PTMA: variants seen among roughly 807,000 people sequenced by gnomAD.
PTMA encodes gene sequence 28.
In PTMA, 4 loss-of-function variants were observed where a neutral mutation model predicts 16.9. That is an observed-to-expected ratio of 0.24 (90% confidence interval 0.12 to 0.54). The LOEUF (loss-of-function observed/expected upper bound fraction) is 0.54, where lower values mean the gene tolerates loss of function less well. PTMA is among the 20% of genes least tolerant of loss of function. The pLI, the probability that PTMA is intolerant of heterozygous loss-of-function variation, is 0.95. For missense variants in PTMA, 120 were observed against 137.7 expected (o/e 0.87, Z 0.64); for synonymous variants, 58 against 47.9 (o/e 1.21, Z -0.87).
rs576560842 is a variant in PTMA, at chr2:231,712,674, C to T, written c.286-130C>T. 64 of 1,348,928 alleles carry T rather than the reference C, an allele frequency of 4.7e-5. No homozygotes were observed. In the African/African-American group the frequency reaches 8.4e-4, roughly 18 times the overall value. The allele number at this position is 1,348,928 out of a possible 1,614,324, so 83.6% of individuals were successfully genotyped here. On this transcript the variant is annotated intron_variant, in intron 4 of 4. Transcript: ENST00000409115. ...AACAGGAAGGAAACAGGGCTGGGCT[C>T]AACTTCCCAGAGGCCTTGGGCTGTG...
chr2:231,711,754 G>A, intron 2 of PTMA, 136 bp from the exon 3 acceptor site: 1 of 1,472,568 alleles, frequency 6.8e-7, no homozygotes, highest in Non-Finnish European at 9.1e-7. Context: ...CTGGAGAAGG[G>A]TCTCTGGGGT....
chr2:231,709,206 G>A (rs1232702037), intron 1 of PTMA, among the ~76,000 whole-genome samples: 2 of 152,208 alleles, frequency 1.3e-5, no homozygotes, highest in Non-Finnish European at 2.9e-5. Context: ...CCCGCCGGCC[G>A]CGCTGCTCTT....
At chr2:231,712,708 G>A (rs2106246347) in intron 4 of PTMA, 96 bp from the exon 5 acceptor site, 2 of 1,453,250 alleles carry the variant, frequency 1.4e-6, no homozygotes, top group Non-Finnish European at 1.9e-6. Flanking sequence ...TGGAGCTGGG[G>A]GTCCCTGGTT....
intron 1 of PTMA, chr2:231,710,096 C>T (rs1192432844): frequency 1.3e-5 from 16 of 1,239,370 alleles, no homozygotes; most frequent in South Asian, 4.0e-5. Flanking sequence ...GAGTAGTAGC[C>T]CGAGAGGCGC....
At position 231,708,761 on chromosome 2, in the gene PTMA, G is replaced by C. The variant is rs1376787996; in HGVS notation, c.45+10G>C. On this transcript the variant is annotated intron_variant, in intron 1 of 4. Coordinates refer to ENST00000409115, the MANE Select transcript of PTMA (RefSeq NM_002823.5). Reference sequence around the variant, plus strand: ...CGAAATCACCACCAAGGTGAGGCTGGACGCCGCCCGCCCCCTCGGGGTCCG... The same window carrying C: ...CGAAATCACCACCAAGGTGAGGCTGCACGCCGCCCGCCCCCTCGGGGTCCG... The C allele has an allele frequency of 1.2e-6, 2 of 1,601,400 alleles. No individual in the cohort carries two copies. The highest frequency in any genetic ancestry group is 1.7e-6 in the Non-Finnish European group (2 of 1,179,158).
chr2:231,710,012 C>T, intron 1 of PTMA: 2 of 1,154,794 alleles, frequency 1.7e-6, no homozygotes, highest in Non-Finnish European at 2.2e-6. Flanking sequence ...GGGGTGAGAA[C>T]ACCGTCCCCA....
chr2:231,709,724 G>A (rs1475424320), intron 1 of PTMA: 1 of 153,314 alleles, frequency 6.5e-6, no homozygotes, highest in Non-Finnish European at 1.5e-5. Flanking sequence ...GCGCCGCCTC[G>A]GTCCCACTGC....
intron 3 of PTMA, 88 bp from the exon 4 acceptor site, chr2:231,712,355 C>CT: frequency 7.3e-7 from 1 of 1,365,612 alleles, no homozygotes; most frequent in East Asian, 2.3e-5. Flanking sequence ...GGGCAGGGAC[C>CT]TTGCAGTCCA....
intron 1 of PTMA, among the ~76,000 whole-genome samples, chr2:231,709,286 G>T (rs930351968): frequency 7.2e-5 from 11 of 152,222 alleles, no homozygotes; most frequent in African/African-American, 2.6e-4. Flanking sequence ...ACTAAGTCCC[G>T]ATAAGGCGGA....
At chr2:231,712,054 A>C (rs2106245540) in intron 3 of PTMA, 71 bp downstream of exon 3, 1 of 1,546,376 alleles carries the variant, frequency 6.5e-7, no homozygotes, top group Non-Finnish European at 8.7e-7. Flanking sequence ...AGGGGAAGGA[A>C]GGAATTGGGG....
intron 1 of PTMA, 105 bp downstream of exon 1, chr2:231,708,856 C>T: frequency 7.5e-7 from 1 of 1,338,492 alleles, no homozygotes; most frequent in Non-Finnish European, 1.0e-6. Flanking sequence ...TGCTCCCTCT[C>T]GCGGGGAAAC....
chr2:231,710,348 G>A (rs571598819), intron 1 of PTMA: 6 of 1,213,888 alleles, frequency 4.9e-6, no homozygotes, highest in African/African-American at 1.6e-5. Flanking sequence ...CCCTGCGCGC[G>A]GTGCGTGCCG....
At position 231,713,317 on chromosome 2, in the gene PTMA, T is replaced by C. The variant is rs776394835; in HGVS notation, c.*466T>C. 3.9e-6 allele frequency: 2 copies of C among 508,766 alleles called. No individual in the cohort carries two copies. Among genetic ancestry groups the C allele is most frequent in the South Asian group, 3.0e-5 (2 of 66,416 alleles). The allele number at this position is 508,766 out of a possible 1,614,324, so 31.5% of individuals were successfully genotyped here. Reference sequence around the variant, plus strand: ...CAAAAATGACAACAGAAAAACAATCTTATTCCGAGCATTCCAGTAACTTTT... The same window carrying C: ...CAAAAATGACAACAGAAAAACAATCCTATTCCGAGCATTCCAGTAACTTTT... On this transcript the variant is annotated 3_prime_UTR_variant, in exon 5 of 5. Coordinates refer to ENST00000409115, the MANE Select transcript of PTMA (RefSeq NM_002823.5).
At chr2:231,711,160 C>T (rs193094276) in intron 1 of PTMA, 188 bp from the exon 2 acceptor site, 4 of 527,360 alleles carry the variant, frequency 7.6e-6, no homozygotes, top group East Asian at 3.1e-5. Flanking sequence ...CACAGATGCC[C>T]CCCGCCGGCC....
intron 4 of PTMA, 107 bp downstream of exon 4, chr2:231,712,623 GC>G: frequency 7.4e-7 from 1 of 1,360,044 alleles, no homozygotes; most frequent in South Asian, 1.2e-5. Flanking sequence ...TTTGTAGGTG[GC>G]CACTGTGTGG....
In PTMA at chr2:231,712,435, C is replaced by T. The variant is rs774156286; in HGVS notation, c.212-8C>T. The stretch of plus-strand genomic sequence containing the variant: ...AGTGTGGTTTACCTGGCCTTTGATT[C>T]TCTCCAGGTGAGGAAGAGGATGGAG... On this transcript the variant is annotated splice_polypyrimidine_tract_variant and splice_region_variant and intron_variant, in intron 3 of 4. Transcript: ENST00000409115. 6.2e-6 allele frequency: 10 copies of T among 1,613,372 alleles called. No individual in the cohort carries two copies. In the South Asian group the frequency reaches 8.8e-5, roughly 14 times the overall value.
intron 1 of PTMA, chr2:231,710,182 C>T (rs751921654): frequency 5.7e-5 from 74 of 1,298,570 alleles, no homozygotes; most frequent in Non-Finnish European, 6.8e-5. Flanking sequence ...CCGCCGAATG[C>T]AGACATTCGG....
chr2:231,709,575 G>A (rs2048489097), intron 1 of PTMA, among the ~76,000 whole-genome samples: 1 of 152,206 alleles, frequency 6.6e-6, no homozygotes, highest in Non-Finnish European at 1.5e-5. Context: ...GCCGCAGCTC[G>A]GGGCGACGCG....
Position 231,711,742 on chromosome 2 carries a change from G to A in PTMA, c.118-148G>A, listed in dbSNP as rs1460922587. On this transcript the variant is annotated intron_variant, in intron 2 of 4. Transcript: ENST00000409115. ...TTCATGATGGAGCCTGGAGGGTGTT[G>A]ACTGGAGAAGGGTCTCTGGGGTGGG... The A allele has an allele frequency of 5.8e-5, 81 of 1,407,564 alleles. No individual in the cohort carries two copies. In the South Asian group the frequency reaches 8.4e-4, roughly 15 times the overall value. 87.2% of individuals were successfully genotyped at this position (1,407,564 alleles called of 1,614,324 possible). A position where few individuals can be genotyped will look rare whatever the true frequency, so the allele number is the denominator to read the frequency against.
Sources: allele counts gnomAD v4.1 joint callset (sites outside exome capture counted in the v4.1 genomes callset), GRCh38; gene constraint gnomAD v4.1.1; transcripts MANE v1.5; gene names NCBI Gene and HGNC (gene_info 2026-07-23, HGNC 2026-07-21).